SH3RF1: variants seen among roughly 807,000 people sequenced by gnomAD.
SH3RF1 encodes SH3 domain containing ring finger 1.
A neutral mutation model predicts 74.0 loss-of-function variants in SH3RF1; 32 were observed. The observed-to-expected ratio is 0.43, with a 90% CI of 0.33 to 0.58. The LOEUF is 0.58. Among genes scored for constraint, SH3RF1 ranks in the 20% least tolerant of loss-of-function variants. The probability of loss-of-function intolerance (pLI) is 0.05; values close to 1 mark genes in which losing one functional copy is unlikely to be tolerated. For missense variants in SH3RF1, 954 were observed against 1,130.9 expected (o/e 0.84, Z 2.24); for synonymous variants, 396 against 439.6 (o/e 0.90, Z 1.24).
chr4:169,268,805 C>G lies in SH3RF1; in HGVS notation c.393+15G>C. On this transcript the variant is annotated intron_variant, in intron 2 of 11. Coordinates refer to ENST00000284637, the MANE Select transcript of SH3RF1 (RefSeq NM_020870.4). ...ACCACCTTTATTCACCAAACTACCT[C>G]TGTAGGCTACTTACCCTCACTGGGG... 6.4e-7 allele frequency: 1 copy of G among 1,555,006 alleles called. No individual in the cohort carries two copies. Among genetic ancestry groups the G allele is most frequent in the Non-Finnish European group, 8.7e-7 (1 of 1,154,726 alleles).
At position 169,270,435 on chromosome 4, in the gene SH3RF1, C is replaced by CCGGGGACACAAATCCCT. The variant is rs563650418; in HGVS notation, c.-96+407_-96+423dup. On this transcript the variant is annotated intron_variant, in intron 1 of 11. Transcript: ENST00000284637. ...CATCTCCGCCTCCCTTTAGCTCAGGCCGGGGACACAAATCCCTCTACACGA... is the reference window on the plus strand; with the variant it reads ...CATCTCCGCCTCCCTTTAGCTCAGGCCGGGGACACAAATCCCTCGGGGACACAAATCCCTCTACACGA... Among the ~76,000 whole-genome samples, 581 of 152,246 alleles carry CCGGGGACACAAATCCCT rather than the reference C, an allele frequency of 3.8e-3. 5 individuals are homozygous for CCGGGGACACAAATCCCT. Among genetic ancestry groups the CCGGGGACACAAATCCCT allele is most frequent in the African/African-American group, 0.014 (564 of 41,564 alleles).
intron 2 of SH3RF1, among the ~76,000 whole-genome samples, chr4:169,192,919 TGA>T (rs1734751658): frequency 9.0e-6 from 1 of 110,682 alleles, no homozygotes; most frequent in South Asian, 3.1e-4. Context: ...CATATATATG[TGA>T]TATATATATA....
intron 2 of SH3RF1, among the ~76,000 whole-genome samples, chr4:169,215,749 T>C (rs1730451965): frequency 6.6e-6 from 1 of 152,206 alleles, no homozygotes; most frequent in Non-Finnish European, 1.5e-5. Context: ...CTAATTTGTT[T>C]TCTAATAGTC....
intron 4 of SH3RF1, among the ~76,000 whole-genome samples, chr4:169,152,428 A>G (rs10011913): frequency 0.011 from 1,701 of 152,286 alleles, 38 homozygotes; most frequent in African/African-American, 0.039. Context: ...TAATAAGCAA[A>G]GTGTTTTGCA....
At chr4:169,179,689 C>T (rs780553930) in intron 2 of SH3RF1, among the ~76,000 whole-genome samples, 9 of 152,204 alleles carry the variant, frequency 5.9e-5, no homozygotes, top group Admixed American at 2.6e-4. Context: ...CACGCAAAGA[C>T]AACACTGCGC....
At chr4:169,261,556 C>T (rs1401143137) in intron 2 of SH3RF1, among the ~76,000 whole-genome samples, 2 of 150,720 alleles carry the variant, frequency 1.3e-5, no homozygotes, top group African/African-American at 4.9e-5. Flanking sequence ...TATAGTGAGC[C>T]GTAAACACTC....
At chr4:169,204,394 C>T (rs954113400) in intron 2 of SH3RF1, among the ~76,000 whole-genome samples, 2 of 152,138 alleles carry the variant, frequency 1.3e-5, no homozygotes, top group Non-Finnish European at 2.9e-5. Flanking sequence ...ATAATAATGT[C>T]TCTTTCTCCC....
At chr4:169,198,338 G>A (rs1419629129) in intron 2 of SH3RF1, among the ~76,000 whole-genome samples, 1 of 125,106 alleles carries the variant, frequency 8.0e-6, no homozygotes, top group Non-Finnish European at 1.8e-5. Context: ...CTTCTGTACT[G>A]CAAACAGTCT....
intron 2 of SH3RF1, among the ~76,000 whole-genome samples, chr4:169,172,123 T>G (rs1734339041): frequency 1.3e-5 from 2 of 152,210 alleles, no homozygotes; most frequent in African/African-American, 2.4e-5. Context: ...ACTCTGAAAT[T>G]GATACTGTAT....
At position 169,116,513 on chromosome 4, in the gene SH3RF1, T is replaced by C; in HGVS notation, c.1895A>G (p.Gln632Arg). 1 of 1,613,290 alleles carries C rather than the reference T, an allele frequency of 6.2e-7. No homozygotes were observed. The highest frequency in any genetic ancestry group is 8.5e-7 in the Non-Finnish European group (1 of 1,179,714). The change falls in exon 10 of 12, where the codon CAA becomes CGA. Residue 632 changes from glutamine to arginine, a missense_variant. Coordinates refer to ENST00000284637, the MANE Select transcript of SH3RF1 (RefSeq NM_020870.4). ...TGAGCCTGGCATCAGAGGCGCAGGT[T>C]GTGGGGAGGCCAGCGAGTGATGGGA... is the stretch of plus-strand genomic sequence containing the variant. Reference protein sequence around the residue: ...GLSHHSLASPQPAPLMPGSAT... With the variant: ...GLSHHSLASPRPAPLMPGSAT...
chr4:169,244,976 G>C (rs1730971756), intron 2 of SH3RF1, among the ~76,000 whole-genome samples: 1 of 152,098 alleles, frequency 6.6e-6, no homozygotes, highest in South Asian at 2.1e-4. Context: ...CTGACATACA[G>C]AAGTAAATAT....
chr4:169,226,230 C>CA (rs1730651934), intron 2 of SH3RF1, among the ~76,000 whole-genome samples: 1 of 152,160 alleles, frequency 6.6e-6, no homozygotes, highest in Non-Finnish European at 1.5e-5. Flanking sequence ...CCAGACAATG[C>CA]AAATCACGCT....
intron 2 of SH3RF1, among the ~76,000 whole-genome samples, chr4:169,265,620 C>T (rs1579171303): frequency 6.6e-6 from 1 of 152,010 alleles, no homozygotes; most frequent in African/African-American, 2.4e-5. Context: ...GTTATAGGCA[C>T]GTGCCACCAC....
intron 2 of SH3RF1, among the ~76,000 whole-genome samples, chr4:169,173,267 C>T (rs1734362596): frequency 6.6e-6 from 1 of 152,142 alleles, no homozygotes. Flanking sequence ...CTCCTACTTG[C>T]TCCTGACCAT....
chr4:169,222,476 A>G (rs1348772316), intron 2 of SH3RF1, among the ~76,000 whole-genome samples: 2 of 149,498 alleles, frequency 1.3e-5, no homozygotes, highest in Non-Finnish European at 3.0e-5. Context: ...AAAAATACAT[A>G]TATATGTATT....
At chr4:169,216,242 T>G (rs891616784) in intron 2 of SH3RF1, among the ~76,000 whole-genome samples, 1 of 151,762 alleles carries the variant, frequency 6.6e-6, no homozygotes, top group Non-Finnish European at 1.5e-5. Context: ...AAAAAAGAAA[T>G]AAAGAAATAA....
intron 2 of SH3RF1, among the ~76,000 whole-genome samples, chr4:169,263,286 A>G (rs927937351): frequency 6.6e-6 from 1 of 152,040 alleles, no homozygotes; most frequent in Non-Finnish European, 1.5e-5. Flanking sequence ...CATCATAGAT[A>G]GAGACTTATT....
intron 2 of SH3RF1, among the ~76,000 whole-genome samples, chr4:169,241,187 G>A (rs1232001073): frequency 2.9e-4 from 44 of 152,158 alleles, no homozygotes; most frequent in Admixed American, 2.9e-3. Flanking sequence ...CCGAGATCGC[G>A]CCACTGCACT....
chr4:169,130,801 G>A (rs1405748199), intron 5 of SH3RF1, among the ~76,000 whole-genome samples: 1 of 152,170 alleles, frequency 6.6e-6, no homozygotes, highest in Non-Finnish European at 1.5e-5. Flanking sequence ...AAGAAATTGA[G>A]TTATTCAGGT....
Sources: gnomAD v4.1 joint callset for allele counts (sites outside exome capture counted in the v4.1 genomes callset) on GRCh38, gnomAD v4.1.1 for gene constraint, MANE v1.5 for transcripts, NCBI Gene and HGNC (gene_info 2026-07-23, HGNC 2026-07-21) for gene names.